Variants in APOB observed in about 807,000 individuals in gnomAD.
APOB encodes the protein apolipoprotein B-100.
In APOB, 153 loss-of-function variants were observed where a neutral mutation model predicts 314.1. That is an observed-to-expected ratio of 0.49 (90% CI 0.43 to 0.56). The LOEUF is 0.56. Ranked by LOEUF, APOB falls within the 20% of genes least tolerant of loss-of-function variation. The pLI is 0.00. For missense variants in APOB, 5,430 were observed against 5,350.7 expected (o/e 1.01, Z -0.46); for synonymous variants, 2,087 against 2,036.4 (o/e 1.02, Z -0.67).
chr2:21,025,240 G>A (rs1033217772), intron 15 of APOB, 116 bp from the exon 16 acceptor site: 4 of 936,958 alleles, frequency 4.3e-6, no homozygotes, highest in Non-Finnish European at 5.1e-6. Context: ...TGCTCCAGGT[G>A]AGGAACAGGG....
chr2:21,013,641 A>T, intron 24 of APOB, 108 bp from the exon 25 acceptor site: 1 of 1,500,500 alleles, frequency 6.7e-7, no homozygotes, highest in Admixed American at 1.7e-5. Context: ...TCCCAAAGCC[A>T]CTCTGCACTT....
chr2:21,018,955 C>T (rs767547044), intron 20 of APOB, 37 bp downstream of exon 20: 10 of 1,613,310 alleles, frequency 6.2e-6, no homozygotes, highest in East Asian at 2.2e-5. Flanking sequence ...CCTGAGACTG[C>T]GAGCAGAGAT....
At position 21,026,771 on chromosome 2, in the gene APOB, A is replaced by T; in HGVS notation, c.2244+17T>A. 6.2e-7 allele frequency: 1 copy of T among 1,606,370 alleles called. No homozygotes were observed. On this transcript the variant is annotated intron_variant, in intron 15 of 28. Coordinates refer to ENST00000233242, the MANE Select transcript of APOB (RefSeq NM_000384.3). ...GACCCAAAGCTTTCCTTAAGAAGATACTTCACAAATACACACCTGCTCATG... is the reference window on the plus strand; with the variant it reads ...GACCCAAAGCTTTCCTTAAGAAGATTCTTCACAAATACACACCTGCTCATG...
chr2:21,032,629 C>T, intron 9 of APOB, 48 bp from the exon 10 acceptor site: 1 of 1,430,548 alleles, frequency 7.0e-7, no homozygotes, highest in Non-Finnish European at 9.8e-7. Flanking sequence ...CTTCAGGGCA[C>T]ATAAAATATT....
intron 4 of APOB, among the ~76,000 whole-genome samples, chr2:21,038,364 T>C (rs1220925423): frequency 2.0e-5 from 3 of 151,948 alleles, no homozygotes; most frequent in Admixed American, 6.6e-5. Flanking sequence ...TGAAATGGAG[T>C]CTCGCTCGGT....
chr2:21,031,109 C>A lies in APOB; in HGVS notation c.1353-1094G>T, dbSNP rs192275397. ...CAACAATCCCATTACTGGGTATATA[C>A]CTAAAGGAAAAGAAATCATTATATC... On this transcript the variant is annotated intron_variant, in intron 10 of 28. Transcript: ENST00000233242. Among the ~76,000 whole-genome samples the A allele has an allele frequency of 2.6e-3, 403 of 152,142 alleles. 2 individuals are homozygous for A. The highest frequency in any genetic ancestry group is 3.9e-3 in the Non-Finnish European group (267 of 67,992).
rs1233037701 is a variant in APOB at position 21,008,067 on chromosome 2, G to A, written c.8801C>T (p.Pro2934Leu). 2 of 1,614,002 alleles carry A rather than the reference G, an allele frequency of 1.2e-6. No homozygotes were observed. The highest frequency in any genetic ancestry group is 1.7e-6 in the Non-Finnish European group (2 of 1,179,952). The change falls in exon 26 of 29, where the codon CCC (proline) becomes CTC (leucine). Residue 2934 changes from proline (P) to leucine (L), a missense_variant. Pro to Leu is a moderately conservative substitution (Grantham distance 98). Coordinates refer to ENST00000233242, the MANE Select transcript of APOB (RefSeq NM_000384.3). ...SGKGSWKWAC[P>L]RFSDEGTHES... ...ATGTGTTCCCTCATCTGAGAATCTG[G>A]GGCAGGCCCATTTCCATGACCCTTT... is the stretch of plus-strand genomic sequence containing the variant.
Position 21,019,858 on chromosome 2 carries a change from G to T in APOB, c.2864C>A (p.Pro955His), listed in dbSNP as rs763052786. 3 of 1,614,148 alleles carry T rather than the reference G, an allele frequency of 1.9e-6. No individual in the cohort carries two copies. The highest frequency in any genetic ancestry group is 2.5e-6 in the Non-Finnish European group (3 of 1,180,018). ...CCAGGACTGCCTGTTCTCAATGAGA[G>T]GTGGGATCACCTCCGTTTTGGTGGT... ...VSTTKTEVIP[P>H]LIENRQSWSV... is the part of the protein sequence containing the mutation. The change falls in exon 19 of 29, where the codon CCT becomes CAT. Residue 955 changes from proline to histidine, a missense_variant. Coordinates refer to ENST00000233242, the MANE Select transcript of APOB (RefSeq NM_000384.3).
chr2:21,037,885 T>C, intron 5 of APOB, 73 bp downstream of exon 5: 2 of 1,566,836 alleles, frequency 1.3e-6, no homozygotes, highest in Non-Finnish European at 8.8e-7. Context: ...CTGCTTTGTA[T>C]ATGGTAGGAC....
At chr2:21,031,709 G>C (rs559145158) in intron 10 of APOB, among the ~76,000 whole-genome samples, 1 of 152,220 alleles carries the variant, frequency 6.6e-6, no homozygotes, top group East Asian at 1.9e-4. Flanking sequence ...ATTAGCCAGG[G>C]CATGGTAGCA....
At chr2:21,022,714 C>A in intron 18 of APOB, 117 bp downstream of exon 18, 1 of 916,502 alleles carries the variant, frequency 1.1e-6, no homozygotes, top group Non-Finnish European at 1.8e-6. Flanking sequence ...CTACTCCTCT[C>A]CTGCTTCCTC....
Position 21,011,594 on chromosome 2 carries a change from G to A in APOB, c.5274C>T (p.Asn1758=), listed in dbSNP as rs374836160. The part of the protein sequence containing the change: ...EMKFDHTNSL[N]IAGLSLDFSS... ...AGAAGTCCAGTGATAAGCCTGCAATGTTCAGACTGTTTGTGTGGTCAAATT... is the reference window on the plus strand; with the variant it reads ...AGAAGTCCAGTGATAAGCCTGCAATATTCAGACTGTTTGTGTGGTCAAATT... The change falls in exon 26 of 29, where the codon AAC becomes AAT. Residue 1758 remains asparagine, a synonymous_variant. Coordinates refer to ENST00000233242, the MANE Select transcript of APOB (RefSeq NM_000384.3). 4.6e-5 allele frequency: 74 copies of A among 1,614,200 alleles called. 1 individual carries two copies. The East Asian group carries it at 4.7e-4, about 10-fold the overall frequency.
At position 21,001,974 on chromosome 2, in the gene APOB, G is replaced by T. The variant is rs147416761; in HGVS notation, c.13448C>A (p.Ala4483Glu). 22 of 1,613,818 alleles carry T rather than the reference G, an allele frequency of 1.4e-5. No individual in the cohort carries two copies. The highest frequency in any genetic ancestry group is 1.5e-5 in the Non-Finnish European group (18 of 1,179,968). Residue 4483 changes from alanine to glutamate, a missense_variant, in exon 29 of 29, where the codon GCG becomes GAG. Physicochemically the swap from Ala to Glu is moderately radical, Grantham distance 107. This residue lies in a region of APOB where 3,281 missense variants were observed against 3,171.0 expected (regional missense o/e 1.03). Coordinates refer to ENST00000233242, the MANE Select transcript of APOB (RefSeq NM_000384.3). ...AQEIIKSQAI[A>E]TKKIISDYHQ... is the part of the protein sequence containing the mutation. ...GTAATCAGAAATTATTTTCTTCGTCGCAATGGCCTGGCTTTTAATTATTTC... is the reference window on the plus strand; with the variant it reads ...GTAATCAGAAATTATTTTCTTCGTCTCAATGGCCTGGCTTTTAATTATTTC...
rs570097888 is a variant in APOB, at chr2:21,012,169, C to T, written c.4699G>A (p.Glu1567Lys). The change falls in exon 26 of 29, where the codon GAG (glutamate) becomes AAG (lysine). Residue 1567 changes from glutamate to lysine, a missense_variant. Glu to Lys is a moderately conservative substitution (Grantham distance 56). Transcript: ENST00000233242. ...TTGGTGTCAGATTTTAAAGTCAGCT[C>T]GTAGTTCTCATACTTTAGGGAAGCA... ...NTASLKYENYELTLKSDTNGK... is the reference protein window; with the variant it reads ...NTASLKYENYKLTLKSDTNGK... The T allele has an allele frequency of 4.1e-5, 66 of 1,601,058 alleles. No homozygotes were observed. The highest frequency in any genetic ancestry group is 4.9e-5 in the Non-Finnish European group (57 of 1,172,760).
At chr2:21,017,924 C>T (rs895484977) in intron 20 of APOB, among the ~76,000 whole-genome samples, 1 of 152,142 alleles carries the variant, frequency 6.6e-6, no homozygotes, top group Non-Finnish European at 1.5e-5. Context: ...TAAATGTGCC[C>T]CATTCCCTAA....
At chr2:21,031,426 A>G (rs1663876880) in intron 10 of APOB, among the ~76,000 whole-genome samples, 1 of 152,188 alleles carries the variant, frequency 6.6e-6, no homozygotes, top group East Asian at 1.9e-4. Context: ...AGTGTGTGGA[A>G]TGATAGACAA....
rs753852142 is a variant in APOB at position 21,001,892 on chromosome 2, A to G, written c.13530T>C (p.Tyr4510=). 1.9e-6 allele frequency: 3 copies of G among 1,614,050 alleles called. No homozygotes were observed. The highest frequency in any genetic ancestry group is 2.5e-6 in the Non-Finnish European group (3 of 1,179,984). The change falls in exon 29 of 29, where the codon TAT becomes TAC. Residue 4510 remains tyrosine (Y), a synonymous_variant. Coordinates refer to ENST00000233242, the MANE Select transcript of APOB (RefSeq NM_000384.3). Reference sequence around the variant, plus strand: ...TTTTGGATTCAGCAATAAATTTTTCATAGTAATCAGAGAGTTGGTCTGAAA... The same window carrying G: ...TTTTGGATTCAGCAATAAATTTTTCGTAGTAATCAGAGAGTTGGTCTGAAA... ...QDFSDQLSDY[Y]EKFIAESKRL... is the part of the protein sequence containing the mutation.
rs1456023135 is a variant in APOB, at chr2:21,032,591, A to T, written c.1125-10T>A. The T allele has an allele frequency of 5.6e-6, 9 of 1,610,042 alleles. No homozygotes were observed. Among genetic ancestry groups the T allele is most frequent in the Non-Finnish European group, 6.8e-6 (8 of 1,176,632 alleles). ...TTGTAAAGTGATGGGGCTGAGAAGA[A>T]AGACATGGATAAAGTTATACAGACC... is the stretch of plus-strand genomic sequence containing the variant. On this transcript the variant is annotated splice_polypyrimidine_tract_variant and intron_variant, in intron 9 of 28. Transcript: ENST00000233242.
Position 21,037,165 on chromosome 2 carries a change from C to G in APOB, c.628G>C (p.Gly210Arg). ...ATGGGCTTGAAGCGATCACACTGCC[C>G]CAGGTCTCTTTCAGTGGATATTTCT... ...ATEISTERDL[G>R]QCDRFKPIRT... is the part of the protein sequence containing the mutation. Residue 210 changes from glycine to arginine, a missense_variant, in exon 6 of 29, where the codon GGG becomes CGG. Transcript: ENST00000233242. 1.2e-6 allele frequency: 2 copies of G among 1,614,198 alleles called. No individual in the cohort carries two copies. Among genetic ancestry groups the G allele is most frequent in the Non-Finnish European group, 1.7e-6 (2 of 1,180,036 alleles).
Sources: gnomAD v4.1 joint callset for allele counts (sites outside exome capture counted in the v4.1 genomes callset) on GRCh38, gnomAD v4.1.1 for gene constraint, gnomAD v4.1.1 regional missense constraint, MANE v1.5 for transcripts, NCBI Gene and HGNC (gene_info 2026-07-23, HGNC 2026-07-21) for gene names.